MCPH1: variants seen among roughly 807,000 people sequenced by gnomAD.
The protein encoded by MCPH1 is microcephalin 1, also known as microcephalin.
A neutral mutation model predicts 84.5 loss-of-function variants in MCPH1; 104 were observed. The ratio of observed to expected loss-of-function variants is 1.23; its 90% CI spans 1.05 to 1.45. The LOEUF is 1.45. Among genes scored for constraint, MCPH1 ranks in the 40% most tolerant of loss-of-function variants. The pLI, the probability that MCPH1 is intolerant of heterozygous loss-of-function variation, is 0.00. For synonymous variants in MCPH1, 514 were observed against 366.8 expected (o/e 1.40, Z -4.58); for missense variants, 1,498 against 1,005.7 (o/e 1.49, Z -6.62).
chr8:6,453,217 A>C (rs2034143), intron 8 of MCPH1, among the ~76,000 whole-genome samples: 3 of 152,008 alleles, frequency 2.0e-5, no homozygotes, highest in African/African-American at 7.3e-5. Flanking sequence ...TCTTTCCACA[A>C]ATGTTTTCAG....
intron 13 of MCPH1, among the ~76,000 whole-genome samples, chr8:6,637,104 C>G (rs1797610172): frequency 2.0e-5 from 3 of 152,220 alleles, no homozygotes; most frequent in Non-Finnish European, 4.4e-5. Flanking sequence ...GTCATTCATT[C>G]ATTTACCCAG....
intron 12 of MCPH1, among the ~76,000 whole-genome samples, chr8:6,531,940 C>A (rs537518303): frequency 3.7e-4 from 56 of 152,280 alleles, no homozygotes; most frequent in African/African-American, 1.3e-3. Flanking sequence ...GCCAGAGTTT[C>A]TAGCTCTTTG....
chr8:6,573,706 A>G (rs1013342185), intron 12 of MCPH1, among the ~76,000 whole-genome samples: 1 of 152,216 alleles, frequency 6.6e-6, no homozygotes, highest in Non-Finnish European at 1.5e-5. Flanking sequence ...ACCTCCTTCC[A>G]GGAAGGCTCT....
intron 1 of MCPH1, among the ~76,000 whole-genome samples, chr8:6,408,520 C>A (rs1337809113): frequency 6.6e-6 from 1 of 152,020 alleles, no homozygotes; most frequent in Non-Finnish European, 1.5e-5. Context: ...CTTTGTTCAG[C>A]CAGTAGAAGA....
At chr8:6,505,709 G>GTATATATATTC (rs1342734426) in intron 12 of MCPH1, among the ~76,000 whole-genome samples, 1 of 80,644 alleles carries the variant, frequency 1.2e-5, no homozygotes, top group Non-Finnish European at 3.2e-5. Context: ...TCTTTATTAC[G>GTATATATATTC]TATATATATT....
In MCPH1 at chr8:6,408,763, A is replaced by G. The variant is rs555767328; in HGVS notation, c.23-516A>G. ...TTTTTTTTAGAGACAGGGTTTCACT[A>G]TGTTGCCCAGGCTGGTCTCAAACTT... is the stretch of plus-strand genomic sequence containing the variant. On this transcript the variant is annotated intron_variant, in intron 1 of 13. Transcript: ENST00000344683. Among the ~76,000 whole-genome samples the G allele has an allele frequency of 9.2e-5, 14 of 151,664 alleles. No homozygotes were observed. In the South Asian group the frequency reaches 1.0e-3, roughly 11 times the overall value.
intron 10 of MCPH1, among the ~76,000 whole-genome samples, chr8:6,480,457 G>T (rs1809060480): frequency 6.6e-6 from 1 of 152,130 alleles, no homozygotes; most frequent in African/African-American, 2.4e-5. Flanking sequence ...TCCCTACCCA[G>T]CCCAGCCACT....
At chr8:6,492,233 A>C (rs1810690738) in intron 11 of MCPH1, among the ~76,000 whole-genome samples, 1 of 152,180 alleles carries the variant, frequency 6.6e-6, no homozygotes, top group South Asian at 2.1e-4. Flanking sequence ...GCCAGTGATG[A>C]TGCGCATGTT....
rs12334953 is a variant in MCPH1, at chr8:6,600,450, C to T, written c.2215-21004C>T. 1.6e-3 allele frequency among the ~76,000 whole-genome samples: 247 copies of T among 152,338 alleles called. 1 individual carries two copies. Among genetic ancestry groups the T allele is most frequent in the African/African-American group, 5.5e-3 (230 of 41,578 alleles). ...ATTTAAGAGCCTGCTCCTTCAGATACATTTACCATTGCCACCACTGGGGAT... is the reference window on the plus strand; with the variant it reads ...ATTTAAGAGCCTGCTCCTTCAGATATATTTACCATTGCCACCACTGGGGAT... On this transcript the variant is annotated intron_variant, in intron 12 of 13. Transcript: ENST00000344683.
In MCPH1 at chr8:6,445,257, A is replaced by C. The variant is rs1804140579; in HGVS notation, c.1535A>C (p.Gln512Pro). 3 of 1,614,196 alleles carry C rather than the reference A, an allele frequency of 1.9e-6. No homozygotes were observed. The highest frequency in any genetic ancestry group is 2.7e-5 in the African/African-American group (2 of 75,046). The stretch of plus-strand genomic sequence containing the variant: ...GAAGAAGCCCTAAGGTGTTGTAGAC[A>C]GGCTGGGAAAGAAGACGCATGCCCA... ...APEEALRCCRQAGKEDACPEG... is the reference protein window; with the variant it reads ...APEEALRCCRPAGKEDACPEG... Residue 512 changes from glutamine (Q) to proline (P), a missense_variant, in exon 8 of 14, where the codon CAG becomes CCG. Transcript: ENST00000344683.
Position 6,414,847 on chromosome 8 carries a change from G to T in MCPH1, c.197G>T (p.Arg66Ile). ...AGCACTTGGGACAAAGCTCAGAAGAGAGGCGTAAAGCTCGTTTCGGTGCTC... is the reference window on the plus strand; with the variant it reads ...AGCACTTGGGACAAAGCTCAGAAGATAGGCGTAAAGCTCGTTTCGGTGCTC... ...YQSTWDKAQK[R>I]GVKLVSVLWV... Residue 66 changes from arginine (R) to isoleucine (I), a missense_variant, in exon 3 of 14, where the codon AGA (arginine) becomes ATA (isoleucine). By Grantham distance (97) the Arg-to-Ile change is moderately conservative (BLOSUM62 -3). Coordinates refer to ENST00000344683, the MANE Select transcript of MCPH1 (RefSeq NM_024596.5). The T allele has an allele frequency of 6.2e-7, 1 of 1,613,836 alleles. No homozygotes were observed. The highest frequency in any genetic ancestry group is 8.5e-7 in the Non-Finnish European group (1 of 1,179,906).
At chr8:6,463,392 T>G (rs2129557642) in intron 9 of MCPH1, among the ~76,000 whole-genome samples, 1 of 152,340 alleles carries the variant, frequency 6.6e-6, no homozygotes, top group East Asian at 1.9e-4. Context: ...TTGAGCATTG[T>G]GACCTCTTTT....
At chr8:6,641,307 T>C (rs978267201) in intron 13 of MCPH1, among the ~76,000 whole-genome samples, 1 of 152,178 alleles carries the variant, frequency 6.6e-6, no homozygotes, top group African/African-American at 2.4e-5. Context: ...AAAATACAAA[T>C]GTGGCTGAAT....
intron 11 of MCPH1, among the ~76,000 whole-genome samples, chr8:6,493,601 A>G (rs1810902217): frequency 6.6e-6 from 1 of 152,096 alleles, no homozygotes; most frequent in African/African-American, 2.4e-5. Context: ...AACCTTACTA[A>G]TGTGTGGATC....
chr8:6,452,968 C>A (rs1240855387), intron 8 of MCPH1, among the ~76,000 whole-genome samples: 2 of 152,198 alleles, frequency 1.3e-5, no homozygotes, highest in African/African-American at 4.8e-5. Context: ...TATAGCCAGC[C>A]ATACCTCAGC....
At chr8:6,613,592 A>T (rs535769479) in intron 12 of MCPH1, among the ~76,000 whole-genome samples, 16 of 151,200 alleles carry the variant, frequency 1.1e-4, no homozygotes, top group African/African-American at 3.2e-4. Flanking sequence ...GGGATTCTGC[A>T]GTTCCCCGGG....
intron 8 of MCPH1, among the ~76,000 whole-genome samples, chr8:6,451,386 TC>T (rs1341527447): frequency 1.3e-5 from 2 of 152,262 alleles, no homozygotes; most frequent in East Asian, 1.9e-4. Flanking sequence ...GAAAGCTCTG[TC>T]CCTTGCTTTA....
Position 6,623,593 on chromosome 8 carries a change from T to G in MCPH1, c.2452+1902T>G, listed in dbSNP as rs531370568. Among the ~76,000 whole-genome samples the G allele has an allele frequency of 3.3e-5, 5 of 149,968 alleles. No homozygotes were observed. The South Asian group carries it at 1.0e-3, about 31-fold the overall frequency. ...TTACAAGTATCTTTTACATGACTGA[T>G]GGTCATCCTTTCATATATTTTAGAA... On this transcript the variant is annotated intron_variant, in intron 13 of 13. Transcript: ENST00000344683.
intron 3 of MCPH1, among the ~76,000 whole-genome samples, chr8:6,415,375 C>T (rs896393512): frequency 5.9e-5 from 9 of 151,434 alleles, no homozygotes; most frequent in African/African-American, 1.9e-4. Context: ...GCAGCCTCAG[C>T]CTCCTAGGCT....
Sources: allele counts gnomAD v4.1 joint callset (sites outside exome capture counted in the v4.1 genomes callset), GRCh38; gene constraint gnomAD v4.1.1; transcripts MANE v1.5; gene names NCBI Gene and HGNC (gene_info 2026-07-23, HGNC 2026-07-21).